Variants in PRDX6 observed in about 807,000 individuals in gnomAD.
PRDX6 encodes the protein peroxiredoxin 6.
In PRDX6, 13 loss-of-function variants were observed where a neutral mutation model predicts 20.0. That is an observed-to-expected ratio of 0.65 (90% CI 0.42 to 1.03). The LOEUF (loss-of-function observed/expected upper bound fraction) is 1.03. PRDX6 is among the 50% of genes least tolerant of loss of function. The probability of loss-of-function intolerance (pLI) is 0.00; values close to 1 mark genes in which losing one functional copy is unlikely to be tolerated. For synonymous variants in PRDX6, 85 were observed against 100.8 expected, an observed-to-expected ratio of 0.84 and a Z score of 0.94; for missense variants, 203 against 276.9, an observed-to-expected ratio of 0.73 and a Z score of 1.89.
intron 1 of PRDX6, among the ~76,000 whole-genome samples, chr1:173,478,038 G>C (rs1011836129): frequency 6.6e-6 from 1 of 152,208 alleles, no homozygotes; most frequent in Non-Finnish European, 1.5e-5. Context: ...CTGGCTATAG[G>C]TTACAGGAAG....
chr1:173,477,611 T>G, intron 1 of PRDX6, 119 bp downstream of exon 1: 2 of 837,628 alleles, frequency 2.4e-6, no homozygotes, highest in Non-Finnish European at 3.7e-6. Flanking sequence ...CGCCCTCGCC[T>G]TCCCCCGCAC....
At chr1:173,480,035 G>A (rs1226716462) in intron 1 of PRDX6, among the ~76,000 whole-genome samples, 4 of 152,078 alleles carry the variant, frequency 2.6e-5, no homozygotes, top group Admixed American at 2.6e-4. Context: ...GTTTTCCATA[G>A]AATCTAAGGC....
At position 173,477,357 on chromosome 1, in the gene PRDX6, G is replaced by C. The variant is rs952024244; in HGVS notation, c.-41G>C. The C allele has an allele frequency of 2.0e-6, 3 of 1,519,508 alleles. No individual in the cohort carries two copies. In the African/African-American group the frequency reaches 4.2e-5, roughly 21 times the overall value. The allele number at this position is 1,519,508 out of a possible 1,614,324, so 94.1% of individuals were successfully genotyped here. Reference sequence around the variant, plus strand: ...GCTGCTTCTTCGCCAGAACCAACCGGTTGCTTGCTGTCCCAGCGGCGCCCC... The same window carrying C: ...GCTGCTTCTTCGCCAGAACCAACCGCTTGCTTGCTGTCCCAGCGGCGCCCC... On this transcript the variant is annotated 5_prime_UTR_variant, in exon 1 of 5. Coordinates refer to ENST00000340385, the MANE Select transcript of PRDX6 (RefSeq NM_004905.3).
intron 1 of PRDX6, among the ~76,000 whole-genome samples, chr1:173,478,854 T>C (rs971026622): frequency 6.6e-6 from 1 of 152,182 alleles, no homozygotes. Flanking sequence ...TTGTGAAAGA[T>C]AGGACTAGGC....
At chr1:173,487,580 A>T (rs1326464180) in intron 4 of PRDX6, among the ~76,000 whole-genome samples, 155 bp from the exon 5 acceptor site, 1 of 152,184 alleles carries the variant, frequency 6.6e-6, no homozygotes, top group African/African-American at 2.4e-5. Context: ...AGTGCCAAAG[A>T]TCAACTTGGA....
chr1:173,480,640 AAAAG>A (rs1658785941), intron 1 of PRDX6, among the ~76,000 whole-genome samples: 2 of 152,346 alleles, frequency 1.3e-5, no homozygotes, highest in Admixed American at 6.5e-5. Flanking sequence ...AGAAAGAAGA[AAAAG>A]AAACTGCAAA....
intron 1 of PRDX6, among the ~76,000 whole-genome samples, chr1:173,478,331 C>T (rs1029769406): frequency 6.6e-6 from 1 of 152,140 alleles, no homozygotes; most frequent in African/African-American, 2.4e-5. Flanking sequence ...GTTCCAGGCT[C>T]CAGGACACGT....
intron 2 of PRDX6, among the ~76,000 whole-genome samples, chr1:173,484,138 T>TTA (rs1553242243): frequency 0.033 from 2,877 of 86,792 alleles, 196 homozygotes; most frequent in African/African-American, 0.14. Flanking sequence ...AAAAAAAAAA[T>TTA]TAGATATATA....
chr1:173,484,140 AGATATATATAT>A (rs1166868124), intron 2 of PRDX6, among the ~76,000 whole-genome samples: 10 of 92,480 alleles, frequency 1.1e-4, no homozygotes, highest in African/African-American at 3.1e-4. Flanking sequence ...AAAAAAAATT[AGATATATATAT>A]TTATATATAT....
In PRDX6 at chr1:173,488,183, C is replaced by T. The variant is rs1398037403; in HGVS notation, c.*320C>T. The T allele has an allele frequency of 4.6e-6, 1 of 216,936 alleles. No homozygotes were observed. Among genetic ancestry groups the T allele is most frequent in the African/African-American group, 2.3e-5 (1 of 43,692 alleles). 13.4% of individuals were successfully genotyped at this position (216,936 alleles called of 1,614,324 possible). ...TCATATTTGTTGATGGTTGACAAAG[C>T]TTGCTTCACTCCATCAGAGAATGAC... On this transcript the variant is annotated 3_prime_UTR_variant, in exon 5 of 5. Transcript: ENST00000340385.
intron 1 of PRDX6, among the ~76,000 whole-genome samples, chr1:173,478,375 A>G (rs1658742180): frequency 2.0e-5 from 3 of 152,184 alleles, no homozygotes; most frequent in Admixed American, 6.5e-5. Flanking sequence ...CTTGTTTTCC[A>G]GTGGCTTGCC....
chr1:173,478,199 A>G (rs1371553283), intron 1 of PRDX6, among the ~76,000 whole-genome samples: 1 of 152,244 alleles, frequency 6.6e-6, no homozygotes, highest in Admixed American at 6.5e-5. Context: ...TAACAGCTTT[A>G]GGAAGAGCCA....
rs1436648123 is a variant in PRDX6, at chr1:173,478,077, T to C, written c.95+585T>C. On this transcript the variant is annotated intron_variant, in intron 1 of 4. Transcript: ENST00000340385. ...AACGTATCATCTGAGGGTGCAGTGG[T>C]ATTTGCAGGCTTCTGGGCACAAAAT... Among the ~76,000 whole-genome samples the C allele has an allele frequency of 1.3e-5, 2 of 152,196 alleles. 1 individual carries two copies. Among genetic ancestry groups the C allele is most frequent in the Admixed American group, 1.3e-4 (2 of 15,274 alleles).
At position 173,485,483 on chromosome 1, in the gene PRDX6, G is replaced by C; in HGVS notation, c.375G>C (p.Lys125Asn). Residue 125 changes from lysine (K) to asparagine (N), a missense_variant, in exon 3 of 5, where the codon AAG becomes AAC. Physicochemically the swap from Lys to Asn is moderately conservative, Grantham distance 94. Transcript: ENST00000340385. ...TGGATCCAGCAGAGAAGGATGAAAA[G>C]GGCATGCCTGTGACAGCTCGTGTGG... ...GMLDPAEKDE[K>N]GMPVTARVVF... The C allele has an allele frequency of 1.2e-5, 19 of 1,604,996 alleles. No homozygotes were observed. The highest frequency in any genetic ancestry group is 1.6e-5 in the Non-Finnish European group (19 of 1,175,032).
At chr1:173,487,598 A>G in intron 4 of PRDX6, 137 bp from the exon 5 acceptor site, 1 of 979,326 alleles carries the variant, frequency 1.0e-6, no homozygotes, top group Non-Finnish European at 1.5e-6. Flanking sequence ...GGAAAACAAA[A>G]TCCTCACAGA....
Position 173,487,721 on chromosome 1 carries a change from A to T in PRDX6, c.547-14A>T. 1 of 1,613,520 alleles carries T rather than the reference A, an allele frequency of 6.2e-7. No homozygotes were observed. Among genetic ancestry groups the T allele is most frequent in the Non-Finnish European group, 8.5e-7 (1 of 1,179,772 alleles). Reference sequence around the variant, plus strand: ...ATGAGATTGAATTTCACCATTCTCAATGTCTTTCAATAGGATGGGGATAGT... The same window carrying T: ...ATGAGATTGAATTTCACCATTCTCATTGTCTTTCAATAGGATGGGGATAGT... On this transcript the variant is annotated splice_polypyrimidine_tract_variant and intron_variant, in intron 4 of 4. Coordinates refer to ENST00000340385, the MANE Select transcript of PRDX6 (RefSeq NM_004905.3).
At chr1:173,484,698 T>C (rs1658866816) in intron 2 of PRDX6, among the ~76,000 whole-genome samples, 2 of 152,224 alleles carry the variant, frequency 1.3e-5, no homozygotes, top group African/African-American at 4.8e-5. Context: ...ATCATTTTTC[T>C]TTAGTTCAGA....
Position 173,485,370 on chromosome 1 carries a change from G to A in PRDX6, c.262G>A (p.Ala88Thr). The change falls in exon 3 of 5, where the codon GCT becomes ACT. Residue 88 changes from alanine (A) to threonine (T), a missense_variant. Coordinates refer to ENST00000340385, the MANE Select transcript of PRDX6 (RefSeq NM_004905.3). ...DHLAWSKDIN[A>T]YNCEEPTEKL... Reference sequence around the variant, plus strand: ...TTTACTTGTGTTTCAGGATATCAATGCTTACAATTGTGAAGAGCCCACAGA... The same window carrying A: ...TTTACTTGTGTTTCAGGATATCAATACTTACAATTGTGAAGAGCCCACAGA... The A allele has an allele frequency of 1.3e-6, 2 of 1,591,080 alleles. No homozygotes were observed. The highest frequency in any genetic ancestry group is 1.7e-6 in the Non-Finnish European group (2 of 1,167,470).
chr1:173,483,814 C>G (rs529891782), intron 2 of PRDX6, among the ~76,000 whole-genome samples: 2 of 152,000 alleles, frequency 1.3e-5, no homozygotes, highest in Non-Finnish European at 2.9e-5. Context: ...TCATTAATAT[C>G]GTTCCTGGCC....
Sources: allele counts gnomAD v4.1 joint callset (sites outside exome capture counted in the v4.1 genomes callset), GRCh38; gene constraint gnomAD v4.1.1; transcripts MANE v1.5; gene names NCBI Gene and HGNC (gene_info 2026-07-23, HGNC 2026-07-21).